NRXN1: variants seen among roughly 807,000 people sequenced by gnomAD.
NRXN1 encodes neurexin 1, also known as neurexin-1.
Under a neutral mutation model 150.9 loss-of-function variants are expected in NRXN1, and 39 were observed. That is an observed-to-expected ratio of 0.26 (90% confidence interval 0.20 to 0.34). The LOEUF (loss-of-function observed/expected upper bound fraction) is 0.34. NRXN1 is among the 10% of genes least tolerant of loss of function. NRXN1 has a pLI of 1.00. For missense variants in NRXN1, 1,815 were observed against 1,949.9 expected (o/e 0.93, Z 1.30); for synonymous variants, 924 against 757.0 (o/e 1.22, Z -3.62).
chr2:50,212,315 A>AAAC (rs2063086553), intron 18 of NRXN1, among the ~76,000 whole-genome samples: 1 of 150,662 alleles, frequency 6.6e-6, no homozygotes, highest in Non-Finnish European at 1.5e-5. Flanking sequence ...AAAAAAAAAA[A>AAAC]TGGGTTTGCC....
chr2:50,685,968 G>C (rs1458104296), intron 5 of NRXN1, among the ~76,000 whole-genome samples: 1 of 151,962 alleles, frequency 6.6e-6, no homozygotes, highest in East Asian at 1.9e-4. Flanking sequence ...AGGTAATCTT[G>C]AAACTAGACA....
chr2:50,661,701 T>TCCC (rs1443909234), intron 5 of NRXN1, among the ~76,000 whole-genome samples: 1 of 152,060 alleles, frequency 6.6e-6, no homozygotes, highest in Non-Finnish European at 1.5e-5. Flanking sequence ...GGTTTCCCCT[T>TCCC]CCTTCTAAAA....
At chr2:50,758,958 A>T (rs1486453367) in intron 5 of NRXN1, among the ~76,000 whole-genome samples, 3 of 151,898 alleles carry the variant, frequency 2.0e-5, no homozygotes, top group African/African-American at 7.2e-5. Flanking sequence ...ACTGTGGCCC[A>T]AGGGAATGTA....
chr2:50,896,949 C>A (rs952272738), intron 5 of NRXN1, among the ~76,000 whole-genome samples: 2 of 152,164 alleles, frequency 1.3e-5, no homozygotes, highest in African/African-American at 2.4e-5. Flanking sequence ...CTACAGCCAG[C>A]GCCCTGAGAT....
intron 18 of NRXN1, among the ~76,000 whole-genome samples, chr2:50,192,525 G>C (rs2061506807): frequency 6.7e-6 from 1 of 149,026 alleles, no homozygotes. Context: ...TTACAAAATA[G>C]TTTACATAAT....
At chr2:50,735,264 T>C (rs1279866358) in intron 5 of NRXN1, among the ~76,000 whole-genome samples, 1 of 152,154 alleles carries the variant, frequency 6.6e-6, no homozygotes, top group Non-Finnish European at 1.5e-5. Context: ...ACATATTTTA[T>C]ATTTTAATTT....
At chr2:50,977,999 G>C (rs962330170) in intron 2 of NRXN1, among the ~76,000 whole-genome samples, 1 of 151,394 alleles carries the variant, frequency 6.6e-6, no homozygotes, top group Non-Finnish European at 1.5e-5. Context: ...GCAGCATGTT[G>C]ATGGCTTTAC....
chr2:50,361,784 G>T (rs200752385), intron 17 of NRXN1, among the ~76,000 whole-genome samples: 1 of 152,156 alleles, frequency 6.6e-6, no homozygotes, highest in Non-Finnish European at 1.5e-5. Context: ...AAACCTGGCA[G>T]AGACACAACA....
intron 17 of NRXN1, among the ~76,000 whole-genome samples, chr2:50,453,869 G>A (rs1353326796): frequency 1.3e-5 from 2 of 152,122 alleles, no homozygotes; most frequent in African/African-American, 4.8e-5. Context: ...CTTCAAGAGT[G>A]TCAAATCTTA....
At chr2:50,210,815 A>G (rs1331913244) in intron 18 of NRXN1, among the ~76,000 whole-genome samples, 1 of 151,510 alleles carries the variant, frequency 6.6e-6, no homozygotes, top group African/African-American at 2.4e-5. Context: ...ATATTTATAT[A>G]TTATTATATG....
intron 5 of NRXN1, among the ~76,000 whole-genome samples, chr2:50,774,116 T>C (rs920024984): frequency 1.3e-5 from 2 of 152,136 alleles, no homozygotes; most frequent in African/African-American, 4.8e-5. Flanking sequence ...GTATTTTCAG[T>C]TTTTGTACAG....
intron 8 of NRXN1, among the ~76,000 whole-genome samples, chr2:50,596,629 G>T (rs1444416693): frequency 1.3e-5 from 2 of 152,134 alleles, no homozygotes; most frequent in Admixed American, 1.3e-4. Context: ...ACTACTAGAA[G>T]AAAGGGCTCA....
chr2:49,933,618 C>T (rs1670516841), intron 22 of NRXN1, among the ~76,000 whole-genome samples: 1 of 1,654 alleles, frequency 6.0e-4, no homozygotes, highest in African/African-American at 2.8e-3. Flanking sequence ...GCTAACATTC[C>T]TTTATCAGAA....
intron 17 of NRXN1, among the ~76,000 whole-genome samples, chr2:50,349,259 C>T (rs1044088051): frequency 2.6e-5 from 4 of 152,204 alleles, no homozygotes; most frequent in African/African-American, 9.6e-5. Flanking sequence ...GTCTCCCAAC[C>T]TTCCACAGCT....
rs1419959555 is a variant in NRXN1 at position 49,952,849 on chromosome 2, A to G, written c.4129-9058T>C. On this transcript the variant is annotated intron_variant, in intron 21 of 22. Coordinates refer to ENST00000401669, the MANE Select transcript of NRXN1 (RefSeq NM_001330078.2). ...TCTTTGTTTCTCTCACACAACTATCATTAGAGTTCTGTCAGATTATTTCTT... is the reference window on the plus strand; with the variant it reads ...TCTTTGTTTCTCTCACACAACTATCGTTAGAGTTCTGTCAGATTATTTCTT... 5.3e-5 allele frequency among the ~76,000 whole-genome samples: 8 copies of G among 152,256 alleles called. No individual in the cohort carries two copies. The East Asian group carries it at 1.5e-3, about 29-fold the overall frequency.
intron 17 of NRXN1, among the ~76,000 whole-genome samples, chr2:50,380,065 C>G (rs1354538542): frequency 6.6e-6 from 1 of 151,934 alleles, no homozygotes; most frequent in African/African-American, 2.4e-5. Context: ...AAGTATAAAG[C>G]TTGGCTGATG....
At chr2:51,002,881 A>G (rs2105107364) in intron 2 of NRXN1, among the ~76,000 whole-genome samples, 1 of 152,012 alleles carries the variant, frequency 6.6e-6, no homozygotes, top group Non-Finnish European at 1.5e-5. Context: ...ACTCTTTAAG[A>G]TTTCTTCTAA....
At chr2:50,597,712 G>C (rs530711225) in intron 8 of NRXN1, among the ~76,000 whole-genome samples, 1 of 152,256 alleles carries the variant, frequency 6.6e-6, no homozygotes, top group South Asian at 2.1e-4. Flanking sequence ...TTTCTTGTTT[G>C]CTGCTCGGCA....
At chr2:50,220,561 C>A (rs1475478028) in intron 18 of NRXN1, among the ~76,000 whole-genome samples, 4 of 151,946 alleles carry the variant, frequency 2.6e-5, no homozygotes, top group Non-Finnish European at 5.9e-5. Flanking sequence ...AAGGCAGAAC[C>A]GAAATCCCTG....
Sources: gnomAD v4.1 joint callset for allele counts (sites outside exome capture counted in the v4.1 genomes callset) on GRCh38, gnomAD v4.1.1 for gene constraint, MANE v1.5 for transcripts, NCBI Gene and HGNC (gene_info 2026-07-23, HGNC 2026-07-21) for gene names.